The following TMEM68 variants were observed in gnomAD, a reference collection of about 807,000 sequenced individuals.
The protein encoded by TMEM68 is transmembrane protein 68, also known as DGAT1/2-independent enzyme synthesizing storage lipids.
TMEM68 carries 25 observed loss-of-function variants against 36.9 expected under a neutral mutation model. The observed-to-expected ratio is 0.68, with a 90% confidence interval of 0.49 to 0.95. TMEM68 has a LOEUF of 0.95. Ranked by LOEUF, TMEM68 falls within the 40% of genes least tolerant of loss-of-function variation. The pLI, the probability that TMEM68 is intolerant of heterozygous loss-of-function variation, is 0.00. For missense variants in TMEM68, 333 were observed against 392.0 expected (o/e 0.85, Z 1.27); for synonymous variants, 131 against 124.4 (o/e 1.05, Z -0.35).
At chr8:55,769,647 T>A (rs1053713105) in intron 1 of TMEM68, among the ~76,000 whole-genome samples, 5 of 151,880 alleles carry the variant, frequency 3.3e-5, no homozygotes, top group Non-Finnish European at 5.9e-5. Flanking sequence ...AACTTTTTTT[T>A]TTTGAGACAG....
chr8:55,763,717 C>CAGGTTTTT (rs1810878110), intron 2 of TMEM68: 12 of 46,982 alleles, frequency 2.6e-4, no homozygotes, highest in East Asian at 4.6e-3. Context: ...CAAAAGAAAA[C>CAGGTTTTT]ATCAATATCT....
At chr8:55,770,348 G>A (rs11776980) in intron 1 of TMEM68, among the ~76,000 whole-genome samples, 1 of 152,112 alleles carries the variant, frequency 6.6e-6, no homozygotes, top group Admixed American at 6.6e-5. Flanking sequence ...TTACCTGGGG[G>A]TGTAACTGAC....
intron 1 of TMEM68, among the ~76,000 whole-genome samples, chr8:55,771,422 CA>C (rs1433385608): frequency 1.4e-5 from 2 of 142,476 alleles, no homozygotes; most frequent in Non-Finnish European, 3.0e-5. Context: ...GGCAATATGG[CA>C]AAACCTTGTC....
At chr8:55,758,565 G>A (rs1192644598) in intron 3 of TMEM68, among the ~76,000 whole-genome samples, 1 of 152,228 alleles carries the variant, frequency 6.6e-6, no homozygotes, top group Non-Finnish European at 1.5e-5. Flanking sequence ...CCAACACTTT[G>A]GGAGACTGAG....
chr8:55,747,126 G>C (rs1563427868), intron 5 of TMEM68: 3 of 152,270 alleles, frequency 2.0e-5, no homozygotes, highest in Admixed American at 2.0e-4. Context: ...CACTTTGGGA[G>C]GCCAAGGCAG....
At chr8:55,755,833 T>C (rs1358025364) in intron 4 of TMEM68, among the ~76,000 whole-genome samples, 1 of 151,944 alleles carries the variant, frequency 6.6e-6, no homozygotes, top group African/African-American at 2.4e-5. Flanking sequence ...AAGTTACTAA[T>C]TGAGAATATT....
In TMEM68 at chr8:55,745,139, T is replaced by G. The variant is rs752816870; in HGVS notation, c.688-18A>C. On this transcript the variant is annotated intron_variant, in intron 5 of 7. Coordinates refer to ENST00000434581, the MANE Select transcript of TMEM68 (RefSeq NM_001286657.2). ...ATAATGGGCTAAAGAAAAGGAGAAT[T>G]TGAATTAAAAAGTAAATAAATTAAT... is the stretch of plus-strand genomic sequence containing the variant. The G allele has an allele frequency of 4.2e-6, 6 of 1,440,966 alleles. No individual in the cohort carries two copies. The South Asian group carries it at 8.1e-5, about 20-fold the overall frequency. 89.3% of individuals were successfully genotyped at this position (1,440,966 alleles called of 1,614,324 possible).
intron 3 of TMEM68, chr8:55,761,312 A>G (rs1471882460): frequency 6.6e-6 from 1 of 152,234 alleles, no homozygotes; most frequent in Non-Finnish European, 1.5e-5. Flanking sequence ...TGTGGCTCCC[A>G]GAGTACTTTT....
At chr8:55,748,824 C>G (rs186639874) in intron 5 of TMEM68, among the ~76,000 whole-genome samples, 10 of 152,226 alleles carry the variant, frequency 6.6e-5, no homozygotes, top group African/African-American at 2.2e-4. Context: ...CTCCTGGCCT[C>G]AAGTGATCCT....
At chr8:55,754,679 A>AATATATATTATATATAAAATACTTAT (rs1554553133) in intron 4 of TMEM68, among the ~76,000 whole-genome samples, 1 of 101,080 alleles carries the variant, frequency 9.9e-6, no homozygotes, top group Admixed American at 1.3e-4. Context: ...TATATTATGT[A>AATATATATTATATATAAAATACTTAT]ATATATATTA....
In TMEM68 at chr8:55,756,351, T is replaced by TA. The variant is rs777901136; in HGVS notation, c.385dup (p.Tyr129LeufsTer15). ...AAAATCTATAGGAATAGCTCCATGA[T>TA]AAAAAATTATAAGTGCTGGTCCATC... On this transcript the variant is annotated frameshift_variant, in exon 4 of 8. Coordinates refer to ENST00000434581, the MANE Select transcript of TMEM68 (RefSeq NM_001286657.2). LOFTEE classifies it high-confidence loss of function. 4.4e-6 allele frequency: 7 copies of TA among 1,604,402 alleles called. No individual in the cohort carries two copies. The highest frequency in any genetic ancestry group is 3.4e-5 in the South Asian group (3 of 87,938).
At chr8:55,764,725 T>C (rs563861039) in intron 1 of TMEM68, among the ~76,000 whole-genome samples, 1 of 152,262 alleles carries the variant, frequency 6.6e-6, no homozygotes, top group Admixed American at 6.5e-5. Context: ...TAGCAAACAT[T>C]GAGCCCACAA....
rs137896250 is a variant in TMEM68 at position 55,756,544 on chromosome 8, T to G, written c.326-133A>C. On this transcript the variant is annotated intron_variant, in intron 3 of 7. Coordinates refer to ENST00000434581, the MANE Select transcript of TMEM68 (RefSeq NM_001286657.2). ...TGGTTCTCTTCCCCTTTCCCCCTTC[T>G]TCCCTCTCTTTCCTCTTCTCTTTCT... The G allele has an allele frequency of 1.5e-4, 106 of 717,470 alleles. 1 individual carries two copies. In the African/African-American group the frequency reaches 1.7e-3, roughly 12 times the overall value. 44.4% of individuals were successfully genotyped at this position (717,470 alleles called of 1,614,324 possible).
intron 3 of TMEM68, among the ~76,000 whole-genome samples, chr8:55,759,665 T>A (rs1355841633): frequency 6.6e-6 from 1 of 152,130 alleles, no homozygotes; most frequent in East Asian, 1.9e-4. Flanking sequence ...AAAATACCAT[T>A]TACACTGTTA....
intron 3 of TMEM68, 156 bp downstream of exon 3, chr8:55,762,479 C>T: frequency 7.2e-7 from 1 of 1,395,228 alleles, no homozygotes. Context: ...AAGACACATA[C>T]ATATGCACAA....
In TMEM68 at chr8:55,751,120, A is replaced by G; in HGVS notation, c.531T>C (p.His177=). The G allele has an allele frequency of 6.2e-7, 1 of 1,613,232 alleles. No individual in the cohort carries two copies. The highest frequency in any genetic ancestry group is 1.1e-5 in the South Asian group (1 of 90,966). ...SLLLDVFCAL[H]GPREKCVEIL... The stretch of plus-strand genomic sequence containing the variant: ...TTTCAACACATTTTTCTCTTGGTCC[A>G]TGTAGAGCACAAAACACATCCAGTA... The change falls in exon 5 of 8, where the codon CAT becomes CAC. Residue 177 remains histidine (H), a synonymous_variant. Transcript: ENST00000434581.
chr8:55,771,751 G>A lies in TMEM68; in HGVS notation c.-115+1518C>T, dbSNP rs117894975. Among the ~76,000 whole-genome samples, 54 of 152,272 alleles carry A rather than the reference G, an allele frequency of 3.5e-4. 2 individuals are homozygous for A. The East Asian group carries it at 8.5e-3, about 24-fold the overall frequency. On this transcript the variant is annotated intron_variant, in intron 1 of 7. Coordinates refer to ENST00000434581, the MANE Select transcript of TMEM68 (RefSeq NM_001286657.2). ...ATGCCAATTAAAAGATATAGTCACT[G>A]AAAAACAAGTTTTCCTGTTTCCTTT...
chr8:55,773,359 AAAGAAGCCAAGCGGCGGCTGCAGCCC>A, exon 1 of TMEM68: 3 of 387,396 alleles, frequency 7.7e-6, no homozygotes, highest in South Asian at 1.4e-4. Context: ...AACCCGTGTG[AAAGAAGCCAAGCGGCGGCTGCAGCCC>A]GGGCCGCGAT....
chr8:55,764,175 A>T (rs1810893078), intron 1 of TMEM68, among the ~76,000 whole-genome samples, 195 bp from the exon 2 acceptor site: 2 of 152,240 alleles, frequency 1.3e-5, no homozygotes, highest in Admixed American at 1.3e-4. Context: ...TTTGGTGAAG[A>T]CAACTCTACA....
Sources: gnomAD v4.1 joint callset for allele counts (sites outside exome capture counted in the v4.1 genomes callset) on GRCh38, gnomAD v4.1.1 for gene constraint, MANE v1.5 for transcripts, NCBI Gene and HGNC (gene_info 2026-07-23, HGNC 2026-07-21) for gene names.